The following TMTC1 variants were observed in gnomAD, a reference collection of about 807,000 sequenced individuals.
The protein encoded by TMTC1 is protein O-mannosyl-transferase TMTC1.
Under a neutral mutation model 104.8 loss-of-function variants are expected in TMTC1, and 73 were observed. The ratio of observed to expected loss-of-function variants is 0.70; its 90% CI spans 0.58 to 0.85. The LOEUF is 0.85. TMTC1 is among the 40% of genes least tolerant of loss of function. TMTC1 has a pLI of 0.00. For missense variants in TMTC1, 1,035 were observed against 1,096.1 expected, an observed-to-expected ratio of 0.94 and a Z score of 0.79; for synonymous variants, 434 against 428.7, an observed-to-expected ratio of 1.01 and a Z score of -0.15.
At chr12:29,581,923 A>T (rs893522643) in intron 8 of TMTC1, among the ~76,000 whole-genome samples, 1 of 151,800 alleles carries the variant, frequency 6.6e-6, no homozygotes, top group Non-Finnish European at 1.5e-5. Flanking sequence ...AGAAAGGGGT[A>T]TGACAGGGAC....
At chr12:29,741,114 T>C (rs1442773087) in intron 5 of TMTC1, among the ~76,000 whole-genome samples, 8 of 152,254 alleles carry the variant, frequency 5.3e-5, no homozygotes, top group Non-Finnish European at 8.8e-5. Context: ...ATTATGATTA[T>C]TGAAGACAAA....
chr12:29,776,763 T>C (rs1483644852), intron 1 of TMTC1, among the ~76,000 whole-genome samples: 1 of 152,136 alleles, frequency 6.6e-6, no homozygotes, highest in Non-Finnish European at 1.5e-5. Context: ...TTTGATCACC[T>C]GGCCACCAGG....
intron 2 of TMTC1, among the ~76,000 whole-genome samples, chr12:29,764,419 G>A (rs1357624070): frequency 2.0e-5 from 3 of 152,130 alleles, no homozygotes; most frequent in Admixed American, 1.3e-4. Context: ...GAGGTGGGAG[G>A]ATTGCTTGAG....
chr12:29,600,018 T>TC (rs1465411013), intron 7 of TMTC1, among the ~76,000 whole-genome samples: 2 of 136,632 alleles, frequency 1.5e-5, no homozygotes, highest in African/African-American at 6.4e-5. Flanking sequence ...ATTTTTTTTT[T>TC]TTTTTCCCTC....
intron 10 of TMTC1, 131 bp downstream of exon 10, chr12:29,556,726 C>A: frequency 8.7e-7 from 1 of 1,143,404 alleles, no homozygotes; most frequent in South Asian, 1.6e-5. Flanking sequence ...GTTACACCCT[C>A]CCAAAGTCTG....
At chr12:29,662,180 G>GT (rs889751321) in intron 5 of TMTC1, among the ~76,000 whole-genome samples, 32 of 152,134 alleles carry the variant, frequency 2.1e-4, no homozygotes, top group African/African-American at 5.5e-4. Context: ...CCTTTTCATT[G>GT]TTTTTTTCTC....
chr12:29,735,716 T>C (rs912196059), intron 5 of TMTC1, among the ~76,000 whole-genome samples: 2 of 152,216 alleles, frequency 1.3e-5, no homozygotes, highest in African/African-American at 4.8e-5. Context: ...AGCCTCACAA[T>C]GTACATTGGG....
At chr12:29,774,962 C>T (rs1206874883) in intron 1 of TMTC1, among the ~76,000 whole-genome samples, 2 of 152,178 alleles carry the variant, frequency 1.3e-5, no homozygotes, top group Non-Finnish European at 2.9e-5. Flanking sequence ...TATGAGGAAG[C>T]TGCCCCACAG....
At chr12:29,609,689 C>T (rs75385457) in intron 6 of TMTC1, among the ~76,000 whole-genome samples, 7,163 of 152,320 alleles carry the variant, frequency 0.047, 580 homozygotes, top group African/African-American at 0.16. Context: ...CCAAGAAGAA[C>T]GCTTTCAAGA....
rs12228195 is a variant in TMTC1 at position 29,595,614 on chromosome 12, C to T, written c.1250+8564G>A. Among the ~76,000 whole-genome samples the T allele has an allele frequency of 2.3e-4, 35 of 152,344 alleles. No homozygotes were observed. The East Asian group carries it at 5.2e-3, about 23-fold the overall frequency. ...TGGATGAGACTTAACTCCTAGCTCT[C>T]ACATCCTCTTCTGCCTTCAGGACCC... On this transcript the variant is annotated intron_variant, in intron 7 of 17. Coordinates refer to ENST00000539277, the MANE Select transcript of TMTC1 (RefSeq NM_001193451.2).
At chr12:29,510,924 T>C (rs1312378830) in intron 17 of TMTC1, among the ~76,000 whole-genome samples, 1 of 152,104 alleles carries the variant, frequency 6.6e-6, no homozygotes, top group East Asian at 1.9e-4. Context: ...GCTTCTCCCA[T>C]TTCCTTTTCT....
intron 4 of TMTC1, among the ~76,000 whole-genome samples, chr12:29,752,454 G>C (rs1207059724): frequency 1.3e-5 from 2 of 152,120 alleles, no homozygotes; most frequent in South Asian, 4.1e-4. Context: ...CAATGTCTCG[G>C]GATGTAATGC....
At chr12:29,541,848 G>A (rs1379021379) in intron 10 of TMTC1, among the ~76,000 whole-genome samples, 4 of 151,844 alleles carry the variant, frequency 2.6e-5, no homozygotes, top group African/African-American at 9.7e-5. Context: ...TAGGAGAGAC[G>A]GTGTTTCACC....
At chr12:29,722,869 T>C (rs1266773729) in intron 5 of TMTC1, among the ~76,000 whole-genome samples, 1 of 143,372 alleles carries the variant, frequency 7.0e-6, no homozygotes, top group African/African-American at 2.6e-5. Flanking sequence ...TGCAGTGAGC[T>C]GAGATCGCAC....
chr12:29,734,552 G>A (rs1355475383), intron 5 of TMTC1, among the ~76,000 whole-genome samples: 3 of 152,224 alleles, frequency 2.0e-5, no homozygotes, highest in African/African-American at 4.8e-5. Context: ...CAAACCAAAC[G>A]GAGGATGCCT....
At chr12:29,640,344 G>T (rs1015323879) in intron 5 of TMTC1, among the ~76,000 whole-genome samples, 8 of 152,074 alleles carry the variant, frequency 5.3e-5, no homozygotes, top group Non-Finnish European at 1.0e-4. Context: ...AGCGAGGGGG[G>T]GCTCACATTG....
chr12:29,594,379 G>C (rs1413650027), intron 7 of TMTC1, among the ~76,000 whole-genome samples: 2 of 152,206 alleles, frequency 1.3e-5, no homozygotes, highest in African/African-American at 4.8e-5. Context: ...AATTAATACA[G>C]ACCTGACTGC....
At position 29,618,014 on chromosome 12, in the gene TMTC1, G is replaced by A. The variant is rs754683360; in HGVS notation, c.1129-13715C>T. Among the ~76,000 whole-genome samples, 53 of 152,288 alleles carry A rather than the reference G, an allele frequency of 3.5e-4. 1 individual carries two copies. The highest frequency in any genetic ancestry group is 3.4e-3 in the Middle Eastern group (1 of 294). ...GCGCAAGGGTAGAAGCAGGGAGATCGGTTAGAAGGCTATGGCAATAATCCA... is the reference window on the plus strand; with the variant it reads ...GCGCAAGGGTAGAAGCAGGGAGATCAGTTAGAAGGCTATGGCAATAATCCA... On this transcript the variant is annotated intron_variant, in intron 6 of 17. Coordinates refer to ENST00000539277, the MANE Select transcript of TMTC1 (RefSeq NM_001193451.2).
chr12:29,633,228 T>A lies in TMTC1; in HGVS notation c.1047A>T (p.Ile349=). The A allele has an allele frequency of 6.2e-7, 1 of 1,613,970 alleles. No individual in the cohort carries two copies. Among genetic ancestry groups the A allele is most frequent in the Non-Finnish European group, 8.5e-7 (1 of 1,179,976 alleles). ...TGGTGGCTAAGTTCCGCATGTCCCA[T>A]ATGGTCTCTACCAGAGGAATACTGC... ...QVGSIPLVET[I]WDMRNLATIF... Residue 349 remains isoleucine, a synonymous_variant, in exon 6 of 18, where the codon ATA becomes ATT. Coordinates refer to ENST00000539277, the MANE Select transcript of TMTC1 (RefSeq NM_001193451.2).
Sources: allele counts gnomAD v4.1 joint callset (sites outside exome capture counted in the v4.1 genomes callset), GRCh38; gene constraint gnomAD v4.1.1; transcripts MANE v1.5; gene names NCBI Gene and HGNC (gene_info 2026-07-23, HGNC 2026-07-21).